Variants in NLGN1 observed in about 807,000 individuals in gnomAD.
The protein encoded by NLGN1 is neuroligin 1, also known as neuroligin-1.
Under a neutral mutation model 65.5 loss-of-function variants are expected in NLGN1, and 12 were observed. That is an observed-to-expected ratio of 0.18 (90% CI 0.12 to 0.30). NLGN1 has a LOEUF of 0.30. NLGN1 is among the 10% of genes least tolerant of loss of function. The pLI is 1.00. For synonymous variants in NLGN1, 350 were observed against 359.5 expected (o/e 0.97, Z 0.30); for missense variants, 750 against 1,007.1 (o/e 0.74, Z 3.46).
chr3:174,246,872 A>C (rs1743888714), intron 4 of NLGN1, among the ~76,000 whole-genome samples: 1 of 152,204 alleles, frequency 6.6e-6, no homozygotes, highest in Non-Finnish European at 1.5e-5. Context: ...AGCAGAAACC[A>C]AAGAAAGCAT....
intron 2 of NLGN1, chr3:173,584,909 G>A (rs1411698353): frequency 6.6e-6 from 1 of 152,116 alleles, no homozygotes; most frequent in Admixed American, 6.5e-5. Context: ...CTAGAAACTG[G>A]TAAATACTTG....
At chr3:173,695,978 A>G (rs1766159605) in intron 3 of NLGN1, among the ~76,000 whole-genome samples, 1 of 152,000 alleles carries the variant, frequency 6.6e-6, no homozygotes, top group South Asian at 2.1e-4. Flanking sequence ...TGTCTGGCTA[A>G]TTTTTGTATT....
intron 4 of NLGN1, among the ~76,000 whole-genome samples, chr3:173,937,126 G>A (rs566091398): frequency 6.6e-6 from 1 of 152,154 alleles, no homozygotes; most frequent in African/African-American, 2.4e-5. Context: ...AGAGCATTCA[G>A]TGAGCAACCA....
At chr3:173,994,467 A>AC (rs1201298286) in intron 4 of NLGN1, among the ~76,000 whole-genome samples, 2 of 96,388 alleles carry the variant, frequency 2.1e-5, no homozygotes, top group Non-Finnish European at 4.0e-5. Flanking sequence ...GAGAAAAGCA[A>AC]AAAAAAAAAA....
chr3:174,120,226 G>A (rs888018183), intron 4 of NLGN1, among the ~76,000 whole-genome samples: 1 of 152,078 alleles, frequency 6.6e-6, no homozygotes, highest in Non-Finnish European at 1.5e-5. Flanking sequence ...GGTGGCTCAC[G>A]CCTGTAATCC....
intron 4 of NLGN1, among the ~76,000 whole-genome samples, chr3:173,903,200 C>T (rs1302984628): frequency 6.6e-6 from 1 of 151,972 alleles, no homozygotes; most frequent in Non-Finnish European, 1.5e-5. Context: ...AGGGTAATGG[C>T]CTCATTAGAT....
chr3:173,582,653 C>T (rs1746576672), intron 2 of NLGN1, among the ~76,000 whole-genome samples: 1 of 151,912 alleles, frequency 6.6e-6, no homozygotes, highest in African/African-American at 2.4e-5. Flanking sequence ...TATTTTTTAT[C>T]TTTTATAAGC....
intron 4 of NLGN1, among the ~76,000 whole-genome samples, chr3:173,941,804 A>T (rs1746153235): frequency 6.6e-6 from 1 of 152,026 alleles, no homozygotes; most frequent in African/African-American, 2.4e-5. Context: ...CTAACTATGC[A>T]TTTGATGAAT....
At chr3:173,614,786 A>C (rs923841895) in intron 3 of NLGN1, among the ~76,000 whole-genome samples, 1 of 152,058 alleles carries the variant, frequency 6.6e-6, no homozygotes, top group Non-Finnish European at 1.5e-5. Context: ...ACCACCTACA[A>C]TGGAAAGATT....
intron 4 of NLGN1, among the ~76,000 whole-genome samples, chr3:173,984,602 T>G (rs1719491039): frequency 6.6e-6 from 1 of 152,224 alleles, no homozygotes; most frequent in South Asian, 2.1e-4. Flanking sequence ...TTGTTCACAC[T>G]TATTTAACCC....
chr3:174,020,028 T>C (rs748596025), intron 4 of NLGN1, among the ~76,000 whole-genome samples: 4 of 152,132 alleles, frequency 2.6e-5, no homozygotes, highest in Non-Finnish European at 5.9e-5. Flanking sequence ...TCTAATACAT[T>C]GTATTATAGT....
chr3:173,905,877 A>C (rs193168273), intron 4 of NLGN1, among the ~76,000 whole-genome samples: 9 of 152,318 alleles, frequency 5.9e-5, no homozygotes, highest in South Asian at 4.1e-4. Flanking sequence ...GCTTGTAGGT[A>C]GTCCCTGAAA....
intron 3 of NLGN1, among the ~76,000 whole-genome samples, chr3:173,655,517 G>A (rs532439688): frequency 7.9e-5 from 12 of 151,244 alleles, no homozygotes; most frequent in Non-Finnish European, 1.3e-4. Flanking sequence ...TACATTTTTG[G>A]AAGCATATAT....
chr3:173,664,900 A>G (rs916121587), intron 3 of NLGN1, among the ~76,000 whole-genome samples: 4 of 152,016 alleles, frequency 2.6e-5, no homozygotes, highest in African/African-American at 9.7e-5. Flanking sequence ...ACACTCCCCA[A>G]AATGCTCTGA....
At chr3:173,604,769 C>T (rs1244061893) in exon 3 of NLGN1, 1 of 1,613,640 alleles carries the variant, frequency 6.2e-7, no homozygotes, top group East Asian at 2.2e-5. Context: ...TGGTGGCTAC[C>T]AACTTTGGAA....
chr3:173,597,709 A>T (rs116084511), intron 2 of NLGN1, among the ~76,000 whole-genome samples: 16,818 of 149,308 alleles, frequency 0.11, 1,247 homozygotes, highest in Non-Finnish European at 0.17. Flanking sequence ...TATATATTTA[A>T]TAAATATTTC....
chr3:173,751,860 A>G (rs968881080), intron 3 of NLGN1, among the ~76,000 whole-genome samples: 8 of 152,052 alleles, frequency 5.3e-5, no homozygotes, highest in African/African-American at 7.2e-5. Flanking sequence ...TACTTTTCCT[A>G]TTTTACAGAT....
At chr3:173,821,112 AC>A (rs914210698) in intron 4 of NLGN1, among the ~76,000 whole-genome samples, 6 of 152,164 alleles carry the variant, frequency 3.9e-5, no homozygotes, top group African/African-American at 1.4e-4. Flanking sequence ...CAAATATGGA[AC>A]AAATGACATT....
chr3:173,729,855 C>T (rs1772474483), intron 3 of NLGN1, among the ~76,000 whole-genome samples: 1 of 151,874 alleles, frequency 6.6e-6, no homozygotes, highest in South Asian at 2.1e-4. Flanking sequence ...TACTGATTAC[C>T]AATTTCCATA....
Sources: gnomAD v4.1 joint callset for allele counts (sites outside exome capture counted in the v4.1 genomes callset) on GRCh38, gnomAD v4.1.1 for gene constraint, MANE v1.5 for transcripts, NCBI Gene and HGNC (gene_info 2026-07-23, HGNC 2026-07-21) for gene names.